LVRN: variants seen among roughly 807,000 people sequenced by gnomAD.
The protein encoded by LVRN is aminopeptidase Q.
A neutral mutation model predicts 111.4 loss-of-function variants in LVRN; 99 were observed. The observed-to-expected ratio is 0.89, with a 90% CI of 0.76 to 1.05. The LOEUF is 1.05. LVRN is among the 50% of genes least tolerant of loss of function. The pLI, the probability that LVRN is intolerant of heterozygous loss-of-function variation, is 0.00. For missense variants in LVRN, 1,414 were observed against 1,206.8 expected, an observed-to-expected ratio of 1.17 and a Z score of -2.54; for synonymous variants, 488 against 449.5, an observed-to-expected ratio of 1.09 and a Z score of -1.08.
At chr5:116,009,245 C>G (rs553766261) in intron 13 of LVRN, among the ~76,000 whole-genome samples, 10 of 152,192 alleles carry the variant, frequency 6.6e-5, no homozygotes, top group Admixed American at 2.0e-4. Context: ...AAGCCCATTG[C>G]TTAGATCTAC....
intron 11 of LVRN, 67 bp from the exon 12 acceptor site, chr5:116,003,174 A>G (rs2112608255): frequency 7.4e-7 from 1 of 1,355,380 alleles, no homozygotes; most frequent in Non-Finnish European, 1.0e-6. Flanking sequence ...TCGAGTGTGT[A>G]GTATTAATAG....
intron 7 of LVRN, among the ~76,000 whole-genome samples, chr5:116,000,152 C>T (rs754599604): frequency 1.3e-5 from 2 of 152,128 alleles, no homozygotes; most frequent in Non-Finnish European, 2.9e-5. Context: ...AAGGTGAACC[C>T]TTTTGCTTGG....
chr5:115,968,873 G>A (rs540659720), intron 1 of LVRN, among the ~76,000 whole-genome samples: 8 of 152,190 alleles, frequency 5.3e-5, no homozygotes, highest in Non-Finnish European at 1.2e-4. Flanking sequence ...ATTAAACAAA[G>A]TCCCATGGAG....
chr5:116,003,013 A>G, intron 11 of LVRN, 102 bp downstream of exon 11: 5 of 1,030,310 alleles, frequency 4.9e-6, no homozygotes, highest in Non-Finnish European at 7.0e-6. Flanking sequence ...TTCATTTCAA[A>G]CTAAAATATC....
Position 115,962,528 on chromosome 5 carries a change from A to AG in LVRN, c.-86dup, listed in dbSNP as rs765325913. On this transcript the variant is annotated 5_prime_UTR_variant, in exon 1 of 20. Coordinates refer to ENST00000357872, the MANE Select transcript of LVRN (RefSeq NM_173800.5). ...AGGCACGATACAAGAGAGGAGGGGC[A>AG]GGGGTCGCAGCACTGAACACCCTGG... 2 of 1,150,718 alleles carry AG rather than the reference A, an allele frequency of 1.7e-6. No homozygotes were observed. Among genetic ancestry groups the AG allele is most frequent in the South Asian group, 2.8e-5 (2 of 71,914 alleles). The allele number at this position is 1,150,718 out of a possible 1,614,324, so 71.3% of individuals were successfully genotyped here.
chr5:115,987,859 A>G lies in LVRN; in HGVS notation c.1025A>G (p.Asp342Gly). The change falls in exon 4 of 20, where the codon GAC becomes GGC. Residue 342 changes from aspartate to glycine, a missense_variant. Coordinates refer to ENST00000357872, the MANE Select transcript of LVRN (RefSeq NM_173800.5). ...RKDAIANGSA[D>G]FALNITGPIF... ...GATGCAATTGCAAATGGAAGTGCAG[A>G]CTTTGCTTTGAACATCACAGGTCCC... is the stretch of plus-strand genomic sequence containing the variant. 2 of 1,613,424 alleles carry G rather than the reference A, an allele frequency of 1.2e-6. No individual in the cohort carries two copies.
chr5:115,991,779 A>G (rs1747993196), intron 4 of LVRN, among the ~76,000 whole-genome samples: 1 of 152,176 alleles, frequency 6.6e-6, no homozygotes, highest in African/African-American at 2.4e-5. Context: ...ATCTTTTCAT[A>G]TGTGTATTTG....
intron 9 of LVRN, 106 bp downstream of exon 9, chr5:116,000,764 G>A (rs897914235): frequency 4.7e-6 from 6 of 1,265,322 alleles, no homozygotes; most frequent in Non-Finnish European, 6.7e-6. Flanking sequence ...AAACAGCTTT[G>A]TCTTGTTGTA....
At chr5:115,976,204 A>G (rs1282053265) in intron 1 of LVRN, 1 of 152,464 alleles carries the variant, frequency 6.6e-6, no homozygotes, top group Non-Finnish European at 1.5e-5. Flanking sequence ...TTCCTCTGCC[A>G]GTCTCCTCTC....
At chr5:115,968,747 A>G (rs1753257201) in intron 1 of LVRN, among the ~76,000 whole-genome samples, 1 of 152,166 alleles carries the variant, frequency 6.6e-6, no homozygotes, top group South Asian at 2.1e-4. Context: ...TGACGGTATA[A>G]CCCTCAGACA....
intron 13 of LVRN, among the ~76,000 whole-genome samples, chr5:116,007,323 C>T (rs933539333): frequency 9.9e-5 from 15 of 152,068 alleles, no homozygotes; most frequent in Non-Finnish European, 2.1e-4. Context: ...CCTATTAGGC[C>T]CCATTTCTCA....
Position 116,001,150 on chromosome 5 carries a change from A to C in LVRN, c.1731A>C (p.Pro577=). The change falls in exon 10 of 20, where the codon CCA becomes CCC. Residue 577 remains proline (P), a synonymous_variant. Transcript: ENST00000357872. ...GTTGGACACACCAGAGTGGTTTTCC[A>C]GTGATCACTTTAAATGTGTCTACTG... ...MDSWTHQSGF[P]VITLNVSTGV... 1 of 1,613,756 alleles carries C rather than the reference A, an allele frequency of 6.2e-7. No homozygotes were observed.
At chr5:116,005,706 C>G (rs1748352942) in intron 12 of LVRN, 2 of 636,066 alleles carry the variant, frequency 3.1e-6, no homozygotes, top group Non-Finnish European at 5.8e-6. Flanking sequence ...TGATTGATGT[C>G]CAGAGGGTTC....
chr5:115,963,451 T>C (rs564109883), intron 1 of LVRN, 139 bp downstream of exon 1: 5 of 595,596 alleles, frequency 8.4e-6, no homozygotes, highest in Non-Finnish European at 1.1e-5. Context: ...TTTTCTTTTT[T>C]CTTTTTATTT....
intron 14 of LVRN, 36 bp from the exon 15 acceptor site, chr5:116,012,338 C>T: frequency 3.4e-6 from 4 of 1,161,998 alleles, no homozygotes; most frequent in Non-Finnish European, 5.0e-6. Flanking sequence ...TGTTTGCAAG[C>T]CAGAACTAAC....
intron 6 of LVRN, among the ~76,000 whole-genome samples, chr5:115,996,317 T>C (rs1176862412): frequency 2.0e-5 from 3 of 152,222 alleles, no homozygotes; most frequent in Non-Finnish European, 4.4e-5. Context: ...ATATTCCTCA[T>C]ATTTTTGAAG....
intron 3 of LVRN, among the ~76,000 whole-genome samples, chr5:115,987,557 T>G (rs1747893587): frequency 6.6e-6 from 1 of 152,190 alleles, no homozygotes; most frequent in Non-Finnish European, 1.5e-5. Context: ...TTCCAGGGGT[T>G]GTTTTATGAT....
At chr5:115,994,374 G>A (rs1006307358) in intron 6 of LVRN, among the ~76,000 whole-genome samples, 4 of 152,112 alleles carry the variant, frequency 2.6e-5, no homozygotes, top group African/African-American at 9.7e-5. Flanking sequence ...CTGGGCTCAA[G>A]CAGTCCTCCC....
chr5:116,027,494 A>C lies in LVRN; in HGVS notation c.*1376A>C, dbSNP rs977041558. On this transcript the variant is annotated 3_prime_UTR_variant, in exon 20 of 20. Transcript: ENST00000357872. ...GAGGCTGTGGGACTTCACCACGTGGACAAACGAAAGCACAGGCTACTCAGA... is the reference window on the plus strand; with the variant it reads ...GAGGCTGTGGGACTTCACCACGTGGCCAAACGAAAGCACAGGCTACTCAGA... 6.6e-6 allele frequency: 1 copy of C among 152,242 alleles called. No homozygotes were observed. The highest frequency in any genetic ancestry group is 2.4e-5 in the African/African-American group (1 of 41,462). The allele number at this position is 152,242 out of a possible 1,614,324, so 9.4% of individuals were successfully genotyped here. A position where few individuals can be genotyped will look rare whatever the true frequency, so the allele number is the denominator to read the frequency against.
Sources: allele counts gnomAD v4.1 joint callset (sites outside exome capture counted in the v4.1 genomes callset), GRCh38; gene constraint gnomAD v4.1.1; transcripts MANE v1.5; gene names NCBI Gene and HGNC (gene_info 2026-07-23, HGNC 2026-07-21).